EPB41L1: variants seen among roughly 807,000 people sequenced by gnomAD.
EPB41L1 encodes the protein band 4.1-like protein 1.
A neutral mutation model predicts 97.8 loss-of-function variants in EPB41L1; 29 were observed. The ratio of observed to expected loss-of-function variants is 0.30; its 90% CI spans 0.22 to 0.40. The LOEUF (loss-of-function observed/expected upper bound fraction) is 0.40. Among genes scored for constraint, EPB41L1 ranks in the 10% least tolerant of loss-of-function variants. EPB41L1 has a pLI of 1.00. For missense variants in EPB41L1, 812 were observed against 1,162.3 expected, an observed-to-expected ratio of 0.70 and a Z score of 4.38; for synonymous variants, 383 against 459.2, an observed-to-expected ratio of 0.83 and a Z score of 2.12.
intron 1 of EPB41L1, among the ~76,000 whole-genome samples, chr20:36,096,159 G>A (rs2057824463): frequency 6.6e-6 from 1 of 152,152 alleles, no homozygotes; most frequent in Non-Finnish European, 1.5e-5. Context: ...TGGAGCTCAA[G>A]AGAGGTGGAG....
Position 36,092,634 on chromosome 20 carries a change from G to C in EPB41L1, c.-65+1022G>C, listed in dbSNP as rs957138021. On this transcript the variant is annotated intron_variant, in intron 1 of 19. Coordinates refer to the EPB41L1 transcript ENST00000202028. The surrounding 1 kb of genome is among the most constrained non-coding windows in gnomAD (Gnocchi z 7.0). ...CCGGGGCGGGGCGGAGCGGCGAGAG[G>C]GGGTGTGGGGGGCGGGCGAGGAGGG... The C allele has an allele frequency of 2.0e-5, 3 of 151,738 alleles. No homozygotes were observed. The highest frequency in any genetic ancestry group is 4.8e-5 in the African/African-American group (2 of 41,350). 9.4% of individuals were successfully genotyped at this position (151,738 alleles called of 1,614,324 possible).
chr20:36,122,709 G>A (rs1388947658), intron 2 of EPB41L1: 2 of 152,304 alleles, frequency 1.3e-5, no homozygotes, highest in Non-Finnish European at 2.9e-5. Flanking sequence ...GAAGGCAGAA[G>A]CCACGCAGAC....
At chr20:36,174,723 G>T (rs2061152681) in intron 2 of EPB41L1, among the ~76,000 whole-genome samples, 1 of 152,002 alleles carries the variant, frequency 6.6e-6, no homozygotes, top group Non-Finnish European at 1.5e-5. Flanking sequence ...GCCCATTGTG[G>T]TCATTTTAAA....
chr20:36,178,055 A>C lies in EPB41L1; in HGVS notation c.446A>C (p.Lys149Thr). The C allele has an allele frequency of 6.2e-7, 1 of 1,613,234 alleles. No individual in the cohort carries two copies. The highest frequency in any genetic ancestry group is 8.5e-7 in the Non-Finnish European group (1 of 1,179,252). The stretch of plus-strand genomic sequence containing the variant: ...ACCTTCTGTGATGCTGACAGCCAGA[A>C]GGTACCTGGGCTAGGGAGCAGGGTG... Reference protein sequence around the residue: ...GLTFCDADSQKNWLDPSKEIK... With the variant: ...GLTFCDADSQTNWLDPSKEIK... The change falls in exon 4 of 22, where the codon AAG becomes ACG. Residue 149 changes from lysine (K) to threonine (T), a missense_variant and splice_region_variant. This residue lies in a region of EPB41L1 where 230 missense variants were observed against 445.2 expected (regional missense o/e 0.52). Coordinates refer to ENST00000338074, the MANE Select transcript of EPB41L1 (RefSeq NM_012156.2).
intron 21 of EPB41L1, among the ~76,000 whole-genome samples, chr20:36,223,746 G>A (rs969837045): frequency 6.6e-6 from 1 of 151,958 alleles, no homozygotes; most frequent in Non-Finnish European, 1.5e-5. Flanking sequence ...AAGAGGGAAG[G>A]GCCAGAAAGG....
At position 36,163,328 on chromosome 20, in the gene EPB41L1, A is replaced by G. The variant is rs147035290; in HGVS notation, c.-15+8432A>G. 3.3e-5 allele frequency among the ~76,000 whole-genome samples: 5 copies of G among 152,234 alleles called. No homozygotes were observed. In the East Asian group the frequency reaches 9.6e-4, roughly 29 times the overall value. On this transcript the variant is annotated intron_variant, in intron 1 of 21. Coordinates refer to ENST00000338074, the MANE Select transcript of EPB41L1 (RefSeq NM_012156.2). The stretch of plus-strand genomic sequence containing the variant: ...GAGCAAATATTTCTAATATTCTGGT[A>G]TGTGTTTAGTGTTTTACAGGCATGA...
At chr20:36,224,828 A>G (rs868428216) in intron 21 of EPB41L1, among the ~76,000 whole-genome samples, 1 of 149,202 alleles carries the variant, frequency 6.7e-6, no homozygotes, top group South Asian at 2.1e-4. Flanking sequence ...TAGGAAAAAA[A>G]TTTTTTTTTT....
intron 16 of EPB41L1, among the ~76,000 whole-genome samples, chr20:36,214,014 A>C (rs541949707): frequency 3.3e-5 from 5 of 151,712 alleles, no homozygotes; most frequent in Non-Finnish European, 7.4e-5. Context: ...GCAATTCACT[A>C]TCAGCGCTCG....
intron 9 of EPB41L1, 122 bp downstream of exon 9, chr20:36,188,621 CACACACACACACACACACACAGAG>C (rs1473606107): frequency 1.0e-4 from 69 of 672,550 alleles, no homozygotes; most frequent in African/African-American, 9.5e-4. Context: ...CACACACACA[CACACACACACACACACACACAGAG>C]AGAGAGAGAG....
At position 36,212,060 on chromosome 20, in the gene EPB41L1, G is replaced by C. The variant is rs1292370250; in HGVS notation, c.2080-212G>C. On this transcript the variant is annotated intron_variant, in intron 15 of 21. Transcript: ENST00000338074. This position sits in a 1 kb window ranked among gnomAD's most constrained non-coding sequence, Gnocchi z 4.8. ...TGGCACAGGGGCGCAGGGCAGGCCT[G>C]CCTGGTCCTGGTGGTGGTCCTGGCT... Among the ~76,000 whole-genome samples, 1 of 152,224 alleles carries C rather than the reference G, an allele frequency of 6.6e-6. No homozygotes were observed. The highest frequency in any genetic ancestry group is 2.4e-5 in the African/African-American group (1 of 41,466).
At chr20:36,226,389 C>G (rs2064154442) in intron 21 of EPB41L1, among the ~76,000 whole-genome samples, 1 of 152,150 alleles carries the variant, frequency 6.6e-6, no homozygotes, top group South Asian at 2.1e-4. Flanking sequence ...TGCCAGGCAC[C>G]AGGCTGTGCA....
At chr20:36,219,567 C>G (rs2063650379) in intron 18 of EPB41L1, among the ~76,000 whole-genome samples, 194 bp from the exon 19 acceptor site, 1 of 152,176 alleles carries the variant, frequency 6.6e-6, no homozygotes, top group African/African-American at 2.4e-5. Context: ...CTAGGAATCT[C>G]AGACTCCAGG....
At chr20:36,181,165 A>G (rs2061456193) in intron 5 of EPB41L1, among the ~76,000 whole-genome samples, 1 of 152,206 alleles carries the variant, frequency 6.6e-6, no homozygotes, top group Non-Finnish European at 1.5e-5. Context: ...CCAGTGGTCC[A>G]TGACCACAGC....
At chr20:36,142,850 G>A (rs1166876744) in intron 2 of EPB41L1, among the ~76,000 whole-genome samples, 1 of 152,220 alleles carries the variant, frequency 6.6e-6, no homozygotes, top group Non-Finnish European at 1.5e-5. Flanking sequence ...TGTCCCTGGT[G>A]TGATCCTGGG....
At position 36,225,892 on chromosome 20, in the gene EPB41L1, G is replaced by C. The variant is rs1217881880; in HGVS notation, c.2638-3440G>C. Among the ~76,000 whole-genome samples, 12 of 152,072 alleles carry C rather than the reference G, an allele frequency of 7.9e-5. No homozygotes were observed. In the East Asian group the frequency reaches 2.3e-3, roughly 29 times the overall value. On this transcript the variant is annotated intron_variant, in intron 21 of 21. Transcript: ENST00000338074. Reference sequence around the variant, plus strand: ...TGCCCACCTCACTGCTCCCTTTGCTGTCTCATTCCCTCCTCCTCGCCTCTC... The same window carrying C: ...TGCCCACCTCACTGCTCCCTTTGCTCTCTCATTCCCTCCTCCTCGCCTCTC...
chr20:36,136,448 G>A (rs2059419570), intron 2 of EPB41L1, among the ~76,000 whole-genome samples: 1 of 151,046 alleles, frequency 6.6e-6, no homozygotes, highest in African/African-American at 2.4e-5. Context: ...CCACAGTGCT[G>A]AGATTATAGG....
rs1419619131 is a variant in EPB41L1, at chr20:36,230,859, CA to C, written c.*1520del. On this transcript the variant is annotated 3_prime_UTR_variant, in exon 22 of 22. Transcript: ENST00000338074. ...TCCAAAGGGAGGTGGTGCTCTCAGC[CA>C]TTGTAGAAGATGGTGGCTTTAACCT... 6.6e-6 allele frequency: 1 copy of C among 152,042 alleles called. No homozygotes were observed. The highest frequency in any genetic ancestry group is 1.9e-4 in the East Asian group (1 of 5,186). The allele number at this position is 152,042 out of a possible 1,614,324, so 9.4% of individuals were successfully genotyped here.
chr20:36,119,635 C>T (rs769894122), intron 2 of EPB41L1, among the ~76,000 whole-genome samples: 30 of 58,754 alleles, frequency 5.1e-4, no homozygotes, highest in African/African-American at 1.5e-3. Context: ...GGAAGGGAAG[C>T]GGAGGGGAGA....
chr20:36,219,862 G>A lies in EPB41L1; in HGVS notation c.2439+18G>A, dbSNP rs1190960256. On this transcript the variant is annotated intron_variant, in intron 19 of 21. Transcript: ENST00000338074. ...TCACCAAAGTGAGTAGCAGCAGGGC[G>A]CCCCATGCCCCCAGCCGAGCTGCAG... 6.2e-6 allele frequency: 10 copies of A among 1,608,754 alleles called. No homozygotes were observed. The highest frequency in any genetic ancestry group is 8.5e-6 in the Non-Finnish European group (10 of 1,175,204).
Sources: gnomAD v4.1 joint callset for allele counts (sites outside exome capture counted in the v4.1 genomes callset) on GRCh38, gnomAD v4.1.1 for gene constraint, gnomAD v4.1.1 regional missense constraint, Gnocchi (gnomAD v3.1) non-coding constraint, MANE v1.5 for transcripts, NCBI Gene and HGNC (gene_info 2026-07-23, HGNC 2026-07-21) for gene names.